RBFOX1: variants seen among roughly 807,000 people sequenced by gnomAD.
RBFOX1 encodes RNA binding fox-1 homolog 1, also known as RNA binding protein fox-1 homolog 1.
A neutral mutation model predicts 57.7 loss-of-function variants in RBFOX1; 8 were observed. That is an observed-to-expected ratio of 0.14 (90% CI 0.08 to 0.25). The LOEUF is 0.25. Ranked by LOEUF, RBFOX1 falls within the 10% of genes least tolerant of loss-of-function variation. The pLI, the probability that RBFOX1 is intolerant of heterozygous loss-of-function variation, is 1.00. For missense variants in RBFOX1, 611 were observed against 548.5 expected (o/e 1.11, Z -1.14); for synonymous variants, 326 against 222.4 (o/e 1.47, Z -4.15).
At chr16:7,589,043 T>A (rs751377015) in intron 7 of RBFOX1, among the ~76,000 whole-genome samples, 2 of 152,210 alleles carry the variant, frequency 1.3e-5, no homozygotes, top group African/African-American at 2.4e-5. Context: ...TCTTCCTGCT[T>A]CTTGTAGGAA....
chr16:7,257,007 C>A (rs2094714813), intron 4 of RBFOX1, among the ~76,000 whole-genome samples: 1 of 152,234 alleles, frequency 6.6e-6, no homozygotes, highest in Non-Finnish European at 1.5e-5. Flanking sequence ...GATCCTGTCT[C>A]CTCTCCCCCT....
At chr16:7,698,255 A>G (rs906187442) in intron 14 of RBFOX1, among the ~76,000 whole-genome samples, 1 of 151,802 alleles carries the variant, frequency 6.6e-6, no homozygotes, top group Admixed American at 6.6e-5. Flanking sequence ...ACTAGCAGGA[A>G]GATATGCCCC....
intron 1 of RBFOX1, among the ~76,000 whole-genome samples, chr16:6,281,608 G>C (rs956742552): frequency 6.6e-6 from 1 of 152,058 alleles, no homozygotes; most frequent in Non-Finnish European, 1.5e-5. Context: ...TATTTTGTGG[G>C]AGAACACCGA....
chr16:7,229,603 A>C (rs2093359447), intron 4 of RBFOX1, among the ~76,000 whole-genome samples: 1 of 116,972 alleles, frequency 8.5e-6, no homozygotes, highest in African/African-American at 3.3e-5. Flanking sequence ...GGAAGGAAGG[A>C]AGGAAGGAGA....
rs74489748 is a variant in RBFOX1 at position 7,315,568 on chromosome 16, T to A, written c.28-202579T>A. On this transcript the variant is annotated intron_variant, in intron 4 of 15. Coordinates refer to ENST00000550418, the MANE Select transcript of RBFOX1 (RefSeq NM_018723.4). ...AATTTTTTTAACTGTCCAGTATGCT[T>A]GTCAGTAATGATGAAATTGAAGCAA... Among the ~76,000 whole-genome samples the A allele has an allele frequency of 6.0e-4, 91 of 152,146 alleles. No homozygotes were observed. The East Asian group carries it at 0.017, about 28-fold the overall frequency.
chr16:6,941,640 T>C (rs1312757760), intron 3 of RBFOX1, among the ~76,000 whole-genome samples: 1 of 151,924 alleles, frequency 6.6e-6, no homozygotes, highest in Non-Finnish European at 1.5e-5. Flanking sequence ...TTGAATATTA[T>C]AAGAATGGGT....
At chr16:6,921,433 A>G (rs1036652573) in intron 3 of RBFOX1, among the ~76,000 whole-genome samples, 1 of 152,036 alleles carries the variant, frequency 6.6e-6, no homozygotes, top group African/African-American at 2.4e-5. Flanking sequence ...TGTGACCGTA[A>G]GTCTGAGATT....
chr16:5,760,549 C>T (rs2053558653), intron 3 of RBFOX1, among the ~76,000 whole-genome samples: 1 of 152,034 alleles, frequency 6.6e-6, no homozygotes, highest in African/African-American at 2.4e-5. Flanking sequence ...CGTGGTGTAT[C>T]CATACCACAG....
chr16:6,263,340 G>A (rs537926972), intron 1 of RBFOX1, among the ~76,000 whole-genome samples: 56 of 152,200 alleles, frequency 3.7e-4, no homozygotes, highest in African/African-American at 1.3e-3. Context: ...CTGTGGGGCC[G>A]GTGTGGGATG....
intron 1 of RBFOX1, among the ~76,000 whole-genome samples, chr16:5,451,068 G>C (rs1373214775): frequency 6.6e-6 from 1 of 152,186 alleles, no homozygotes; most frequent in African/African-American, 2.4e-5. Context: ...TCGAGGAATG[G>C]CAGATATACA....
At chr16:7,503,630 A>G (rs963902601) in intron 4 of RBFOX1, among the ~76,000 whole-genome samples, 6 of 152,176 alleles carry the variant, frequency 3.9e-5, no homozygotes, top group African/African-American at 1.2e-4. Flanking sequence ...CCCTTTAGAA[A>G]AAGTGGGCTG....
intron 3 of RBFOX1, among the ~76,000 whole-genome samples, chr16:5,629,719 T>C (rs1189044474): frequency 6.6e-6 from 1 of 152,208 alleles, no homozygotes; most frequent in East Asian, 1.9e-4. Flanking sequence ...AGGTTGTGTT[T>C]CTCCAACTCT....
chr16:5,408,634 T>G, intron 1 of RBFOX1, among the ~76,000 whole-genome samples: 1 of 152,164 alleles, frequency 6.6e-6, no homozygotes, highest in East Asian at 1.9e-4. Context: ...TATCTGAGAC[T>G]GGGTAATTTA....
At chr16:5,565,445 G>A (rs777657030) in intron 2 of RBFOX1, among the ~76,000 whole-genome samples, 1 of 151,992 alleles carries the variant, frequency 6.6e-6, no homozygotes, top group Non-Finnish European at 1.5e-5. Flanking sequence ...GACCAACATA[G>A]AGAAAGCCTG....
chr16:7,359,907 C>T (rs2097288581), intron 4 of RBFOX1, among the ~76,000 whole-genome samples: 1 of 151,976 alleles, frequency 6.6e-6, no homozygotes, highest in Non-Finnish European at 1.5e-5. Flanking sequence ...TGGTGTGAAC[C>T]CAGGAGGCGG....
At chr16:5,774,681 T>A (rs530971242) in intron 3 of RBFOX1, among the ~76,000 whole-genome samples, 2 of 152,230 alleles carry the variant, frequency 1.3e-5, no homozygotes, top group East Asian at 1.9e-4. Context: ...ACCAGAGGAT[T>A]TTTTATTGGT....
At chr16:6,134,683 A>ATTTTTTTTTTTTTT (rs61209958) in intron 1 of RBFOX1, among the ~76,000 whole-genome samples, 2 of 143,460 alleles carry the variant, frequency 1.4e-5, no homozygotes, top group East Asian at 2.0e-4. Flanking sequence ...AACTCAGAGT[A>ATTTTTTTTTTTTTT]TTTTTTTTTT....
chr16:6,226,469 A>C lies in RBFOX1; in HGVS notation c.-126-90526A>C, dbSNP rs370094629. Among the ~76,000 whole-genome samples, 15 of 152,162 alleles carry C rather than the reference A, an allele frequency of 9.9e-5. No individual in the cohort carries two copies. In the South Asian group the frequency reaches 1.9e-3, roughly 19 times the overall value. ...TCTTTCCTGTGGCACAGGTAGTGAAACTGAGGTCAGGAAAAGGAGTGCATT... is the reference window on the plus strand; with the variant it reads ...TCTTTCCTGTGGCACAGGTAGTGAACCTGAGGTCAGGAAAAGGAGTGCATT... On this transcript the variant is annotated intron_variant, in intron 1 of 15. Transcript: ENST00000550418.
At position 6,808,358 on chromosome 16, in the gene RBFOX1, C is replaced by G. The variant is rs570519873; in HGVS notation, c.-16+153708C>G. Among the ~76,000 whole-genome samples the G allele has an allele frequency of 5.3e-5, 8 of 152,144 alleles. No homozygotes were observed. In the East Asian group the frequency reaches 5.8e-4, roughly 11 times the overall value. ...ATTATGCCTACTTCACTGAAGCACC[C>G]TTGTCACTCCCTTCAATGCCTAAAG... On this transcript the variant is annotated intron_variant, in intron 3 of 15. Transcript: ENST00000550418.
Sources: gnomAD v4.1 joint callset for allele counts (sites outside exome capture counted in the v4.1 genomes callset) on GRCh38, gnomAD v4.1.1 for gene constraint, MANE v1.5 for transcripts, NCBI Gene and HGNC (gene_info 2026-07-23, HGNC 2026-07-21) for gene names.